Variants in PLD1 observed in about 807,000 individuals in gnomAD.
The protein encoded by PLD1 is phospholipase D1.
In PLD1, 112 loss-of-function variants were observed where a neutral mutation model predicts 137.1. That is an observed-to-expected ratio of 0.82 (90% CI 0.70 to 0.96). PLD1 has a LOEUF of 0.96. PLD1 is among the 40% of genes least tolerant of loss of function. PLD1 has a pLI of 0.00. For synonymous variants in PLD1, 431 were observed against 454.7 expected (o/e 0.95, Z 0.66); for missense variants, 1,321 against 1,342.0 (o/e 0.98, Z 0.24).
intron 23 of PLD1, among the ~76,000 whole-genome samples, chr3:171,621,784 A>G (rs1733656898): frequency 6.6e-6 from 1 of 152,210 alleles, no homozygotes; most frequent in African/African-American, 2.4e-5. Flanking sequence ...TATTGGAAAG[A>G]CACTTCATCT....
At chr3:171,628,306 A>G (rs1734325450) in intron 23 of PLD1, among the ~76,000 whole-genome samples, 1 of 152,214 alleles carries the variant, frequency 6.6e-6, no homozygotes, top group African/African-American at 2.4e-5. Flanking sequence ...CGAAGACTAA[A>G]CCAGGAAGAA....
At chr3:171,805,721 C>A (rs536686075) in intron 1 of PLD1, among the ~76,000 whole-genome samples, 2 of 152,300 alleles carry the variant, frequency 1.3e-5, no homozygotes, top group East Asian at 3.9e-4. Context: ...AATAAAAAAA[C>A]CTAAAAAAAA....
Position 171,737,939 on chromosome 3 carries a change from T to C in PLD1, c.113A>G (p.Glu38Gly), listed in dbSNP as rs1222906638. 1 of 1,614,060 alleles carries C rather than the reference T, an allele frequency of 6.2e-7. No individual in the cohort carries two copies. The highest frequency in any genetic ancestry group is 2.2e-5 in the East Asian group (1 of 44,884). The change falls in exon 2 of 27, where the codon GAG (glutamate) becomes GGG (glycine). Residue 38 changes from glutamate (E) to glycine (G), a missense_variant. Transcript: ENST00000351298. Reference sequence around the variant, plus strand: ...GGGAGACACGTCGTAGTCTACCTCCTCTCCCTCAAAGTGGAGTTCCCGCGT... The same window carrying C: ...GGGAGACACGTCGTAGTCTACCTCCCCTCCCTCAAAGTGGAGTTCCCGCGT... ...LDTRELHFEG[E>G]EVDYDVSPSD...
At chr3:171,799,542 G>C (rs1040471072) in intron 1 of PLD1, among the ~76,000 whole-genome samples, 3 of 152,046 alleles carry the variant, frequency 2.0e-5, no homozygotes, top group African/African-American at 7.2e-5. Context: ...TAAAGGGAAT[G>C]AAATCCTTTT....
At chr3:171,722,065 A>C (rs560489965) in intron 8 of PLD1, among the ~76,000 whole-genome samples, 106 of 152,310 alleles carry the variant, frequency 7.0e-4, no homozygotes, top group Non-Finnish European at 1.4e-3. Context: ...AATATTATAT[A>C]CAGATATAAA....
intron 11 of PLD1, among the ~76,000 whole-genome samples, chr3:171,703,632 T>C (rs1348365973): frequency 6.6e-6 from 1 of 152,186 alleles, no homozygotes; most frequent in Non-Finnish European, 1.5e-5. Context: ...GACCTATACA[T>C]AGAAAAATAC....
At chr3:171,613,551 T>G (rs150328581) in intron 24 of PLD1, among the ~76,000 whole-genome samples, 33 of 152,358 alleles carry the variant, frequency 2.2e-4, no homozygotes, top group African/African-American at 6.5e-4. Context: ...AGATTGTCAT[T>G]TGTGGCTTTG....
At chr3:171,765,120 T>C (rs1483545217) in intron 1 of PLD1, 1 of 152,092 alleles carries the variant, frequency 6.6e-6, no homozygotes, top group Non-Finnish European at 1.5e-5. Context: ...GTTTAAAAAA[T>C]GGACTATAGT....
intron 12 of PLD1, among the ~76,000 whole-genome samples, chr3:171,693,689 TG>T (rs1343014333): frequency 6.6e-6 from 1 of 152,178 alleles, no homozygotes; most frequent in Admixed American, 6.5e-5. Flanking sequence ...TGTATCTAAA[TG>T]ACACCTGGCA....
intron 8 of PLD1, among the ~76,000 whole-genome samples, chr3:171,723,727 T>C (rs1020448821): frequency 5.9e-5 from 9 of 152,228 alleles, no homozygotes; most frequent in Non-Finnish European, 5.9e-5. Context: ...ATCAATGATA[T>C]TGAGCACCTT....
At chr3:171,705,131 G>A (rs1716579356) in intron 11 of PLD1, among the ~76,000 whole-genome samples, 1 of 152,184 alleles carries the variant, frequency 6.6e-6, no homozygotes, top group African/African-American at 2.4e-5. Context: ...TGGGGACCCT[G>A]TCATAGCGGA....
At chr3:171,738,189 C>T (rs1719519161) in intron 1 of PLD1, 107 bp from the exon 2 acceptor site, 1 of 610,586 alleles carries the variant, frequency 1.6e-6, no homozygotes, top group African/African-American at 1.9e-5. Context: ...ACAATTCAGC[C>T]TGCTCTGTGT....
Position 171,684,754 on chromosome 3 carries a change from C to T in PLD1, c.1867+1931G>A, listed in dbSNP as rs376237133. The stretch of plus-strand genomic sequence containing the variant: ...GGGACAACAGATGCATGCCACCACA[C>T]TCAGCTAATTTTTGTAGAGAGGGGG... On this transcript the variant is annotated intron_variant, in intron 16 of 26. Coordinates refer to ENST00000351298, the MANE Select transcript of PLD1 (RefSeq NM_002662.5). Among the ~76,000 whole-genome samples, 11 of 152,234 alleles carry T rather than the reference C, an allele frequency of 7.2e-5. No homozygotes were observed. In the South Asian group the frequency reaches 8.3e-4, roughly 11 times the overall value.
chr3:171,677,619 T>C lies in PLD1; in HGVS notation c.1943A>G (p.Asp648Gly). Residue 648 changes from aspartate (D) to glycine (G), a missense_variant, in exon 17 of 27, where the codon GAC becomes GGC. Physicochemically the swap from Asp to Gly is moderately conservative, Grantham distance 94. Transcript: ENST00000351298. ...GTCTTTGAAGACGAAATTGCAGTAG[T>C]CCTTTCCATGCCAGAATCTGGTTTC... ...HGETRFWHGK[D>G]YCNFVFKDWV... 1.2e-6 allele frequency: 2 copies of C among 1,613,980 alleles called. No homozygotes were observed. Among genetic ancestry groups the C allele is most frequent in the Non-Finnish European group, 1.7e-6 (2 of 1,179,838 alleles).
chr3:171,686,649 G>T, intron 16 of PLD1, 36 bp downstream of exon 16: 2 of 1,081,772 alleles, frequency 1.8e-6, no homozygotes, highest in Non-Finnish European at 2.8e-6. Flanking sequence ...CAAAGCTCAA[G>T]CCTAAGGGAG....
intron 1 of PLD1, among the ~76,000 whole-genome samples, chr3:171,795,220 C>A (rs774340889): frequency 4.6e-5 from 7 of 152,202 alleles, no homozygotes; most frequent in Non-Finnish European, 7.3e-5. Context: ...GCCCACTCAC[C>A]CCTAGACTCC....
intron 6 of PLD1, among the ~76,000 whole-genome samples, chr3:171,733,126 T>C (rs1299352828): frequency 5.3e-5 from 8 of 152,222 alleles, no homozygotes; most frequent in Non-Finnish European, 1.2e-4. Context: ...AAAAAATGCT[T>C]TTTGGCATTA....
intron 20 of PLD1, 25 bp from the exon 21 acceptor site, chr3:171,659,326 A>C: frequency 7.0e-7 from 1 of 1,427,704 alleles, no homozygotes; most frequent in Non-Finnish European, 9.9e-7. Context: ...CAAGACAATC[A>C]TGTTAGTCTT....
chr3:171,795,280 T>A (rs539087413), intron 1 of PLD1, among the ~76,000 whole-genome samples: 1 of 152,356 alleles, frequency 6.6e-6, no homozygotes, highest in East Asian at 1.9e-4. Context: ...GTCATACATG[T>A]GCAATCCAGA....
Sources: gnomAD v4.1 joint callset for allele counts (sites outside exome capture counted in the v4.1 genomes callset) on GRCh38, gnomAD v4.1.1 for gene constraint, MANE v1.5 for transcripts, NCBI Gene and HGNC (gene_info 2026-07-23, HGNC 2026-07-21) for gene names.